Variants in LDLRAD3 observed in about 807,000 individuals in gnomAD.
LDLRAD3 encodes low-density lipoprotein receptor class A domain-containing protein 3.
In LDLRAD3, 20 loss-of-function variants were observed where a neutral mutation model predicts 29.4. That is an observed-to-expected ratio of 0.68 (90% confidence interval 0.48 to 0.99). LDLRAD3 has a LOEUF of 0.99. Among genes scored for constraint, LDLRAD3 ranks in the 50% least tolerant of loss-of-function variants. The pLI is 0.00. For synonymous variants in LDLRAD3, 157 were observed against 192.7 expected (o/e 0.81, Z 1.53); for missense variants, 420 against 454.3 (o/e 0.92, Z 0.69).
intron 2 of LDLRAD3, among the ~76,000 whole-genome samples, chr11:36,041,504 AG>A (rs1852381313): frequency 6.6e-6 from 1 of 152,244 alleles, no homozygotes; most frequent in Admixed American, 6.5e-5. Flanking sequence ...CTTTTTAAAA[AG>A]ATTCTAAAAA....
At chr11:36,057,532 A>G (rs1222805194) in intron 2 of LDLRAD3, among the ~76,000 whole-genome samples, 3 of 152,112 alleles carry the variant, frequency 2.0e-5, no homozygotes, top group Non-Finnish European at 2.9e-5. Flanking sequence ...TTTTGCTCCA[A>G]GAATCTCTTA....
At chr11:36,161,471 G>A (rs933382344) in intron 4 of LDLRAD3, among the ~76,000 whole-genome samples, 14 of 152,100 alleles carry the variant, frequency 9.2e-5, no homozygotes, top group East Asian at 7.7e-4. Context: ...ATACATACCT[G>A]TAGATATATT....
chr11:36,105,881 C>T (rs1367064041), intron 4 of LDLRAD3, among the ~76,000 whole-genome samples: 3 of 152,112 alleles, frequency 2.0e-5, no homozygotes, highest in African/African-American at 7.2e-5. Flanking sequence ...ATACAGTCCC[C>T]GAGAAGTCAC....
At chr11:36,170,369 C>T (rs1854581561) in intron 4 of LDLRAD3, among the ~76,000 whole-genome samples, 1 of 150,398 alleles carries the variant, frequency 6.6e-6, no homozygotes. Flanking sequence ...TACACACACA[C>T]ATATATATCT....
Position 36,188,405 on chromosome 11 carries a change from G to T in LDLRAD3, c.455-38680G>T, listed in dbSNP as rs144573968. Among the ~76,000 whole-genome samples the T allele has an allele frequency of 2.7e-3, 383 of 144,340 alleles. 5 individuals are homozygous for T. Among genetic ancestry groups the T allele is most frequent in the African/African-American group, 9.2e-3 (361 of 39,162 alleles). 94.7% of individuals were successfully genotyped at this position (144,340 alleles called of 152,430 possible). A position where few individuals can be genotyped will look rare whatever the true frequency, so the allele number is the denominator to read the frequency against. On this transcript the variant is annotated intron_variant, in intron 4 of 5. Coordinates refer to ENST00000315571, the MANE Select transcript of LDLRAD3 (RefSeq NM_174902.4). ...AAAAAAAAAAAAAAAAAAAATTGTG[G>T]AAGCTGGAGAACAAATGGGTGAGCT...
At chr11:35,957,811 A>AAG (rs1554951508) in intron 1 of LDLRAD3, among the ~76,000 whole-genome samples, 9 of 142,822 alleles carry the variant, frequency 6.3e-5, no homozygotes, top group African/African-American at 2.4e-4. Flanking sequence ...AAAAAAAAAA[A>AAG]AAAAGAAAAG....
At chr11:35,971,534 A>C (rs1241705302) in intron 1 of LDLRAD3, among the ~76,000 whole-genome samples, 1 of 152,200 alleles carries the variant, frequency 6.6e-6, no homozygotes, top group African/African-American at 2.4e-5. Flanking sequence ...CAGAGGAAGG[A>C]CCATGTGCAG....
chr11:35,949,923 G>A (rs955289905), intron 1 of LDLRAD3, among the ~76,000 whole-genome samples: 2 of 152,216 alleles, frequency 1.3e-5, no homozygotes, highest in African/African-American at 4.8e-5. Context: ...CTTCTGTAGT[G>A]AGGAGCTTTA....
intron 1 of LDLRAD3, among the ~76,000 whole-genome samples, chr11:35,948,918 T>C (rs1297414738): frequency 6.6e-6 from 1 of 152,202 alleles, no homozygotes; most frequent in Non-Finnish European, 1.5e-5. Flanking sequence ...CAGCCACAAA[T>C]GCCTCCCGAC....
intron 2 of LDLRAD3, among the ~76,000 whole-genome samples, chr11:36,053,864 C>T (rs1590228878): frequency 6.6e-6 from 1 of 152,140 alleles, no homozygotes; most frequent in Non-Finnish European, 1.5e-5. Context: ...TGTCATGTGA[C>T]TCTTATAAGG....
chr11:36,026,071 C>A (rs2133202008), intron 1 of LDLRAD3, among the ~76,000 whole-genome samples: 1 of 152,286 alleles, frequency 6.6e-6, no homozygotes, highest in African/African-American at 2.4e-5. Flanking sequence ...TGAGCCACCA[C>A]ACCCGGCCCT....
chr11:36,149,734 G>C (rs1337621063), intron 4 of LDLRAD3, among the ~76,000 whole-genome samples: 1 of 152,196 alleles, frequency 6.6e-6, no homozygotes, highest in Non-Finnish European at 1.5e-5. Flanking sequence ...TTGGTGACCA[G>C]GGTATGAGGG....
At chr11:36,081,599 G>A in intron 2 of LDLRAD3, 54 bp from the exon 3 acceptor site, 1 of 1,610,000 alleles carries the variant, frequency 6.2e-7, no homozygotes, top group Non-Finnish European at 8.5e-7. Context: ...GGATGAGTAT[G>A]CAGTCATCTG....
intron 4 of LDLRAD3, among the ~76,000 whole-genome samples, chr11:36,142,085 C>G (rs1471516560): frequency 6.6e-6 from 1 of 152,196 alleles, no homozygotes; most frequent in Non-Finnish European, 1.5e-5. Flanking sequence ...GTCGCCTCCC[C>G]CTTCTTCACT....
intron 1 of LDLRAD3, among the ~76,000 whole-genome samples, chr11:36,001,758 CGTGTGTGTGT>C (rs3220787): frequency 2.5e-3 from 370 of 148,376 alleles, no homozygotes; most frequent in East Asian, 4.1e-3. Context: ...ATATTGTATA[CGTGTGTGTGT>C]GTGTGTGTGT....
intron 1 of LDLRAD3, among the ~76,000 whole-genome samples, chr11:36,015,832 A>G (rs574207188): frequency 7.4e-4 from 112 of 151,878 alleles, no homozygotes; most frequent in African/African-American, 2.6e-3. Flanking sequence ...TGCAAGGACA[A>G]CTCCAAAACC....
chr11:36,182,827 G>A (rs1450635245), intron 4 of LDLRAD3, among the ~76,000 whole-genome samples: 1 of 152,184 alleles, frequency 6.6e-6, no homozygotes, highest in Non-Finnish European at 1.5e-5. Context: ...TCTTTGGGAA[G>A]GCATTCCTGG....
At chr11:36,029,106 G>C (rs1331538941) in intron 1 of LDLRAD3, among the ~76,000 whole-genome samples, 2 of 152,134 alleles carry the variant, frequency 1.3e-5, no homozygotes, top group Admixed American at 1.3e-4. Flanking sequence ...TTAGCTGGGT[G>C]TGGTGGTACA....
At chr11:36,024,566 A>C (rs751746730) in intron 1 of LDLRAD3, among the ~76,000 whole-genome samples, 12 of 152,210 alleles carry the variant, frequency 7.9e-5, no homozygotes, top group Non-Finnish European at 1.3e-4. Context: ...TGCTCTTTTT[A>C]ACAGACTGTC....
Sources: gnomAD v4.1 joint callset for allele counts (sites outside exome capture counted in the v4.1 genomes callset) on GRCh38, gnomAD v4.1.1 for gene constraint, MANE v1.5 for transcripts, NCBI Gene and HGNC (gene_info 2026-07-23, HGNC 2026-07-21) for gene names.